BPGM: variants seen among roughly 807,000 people sequenced by gnomAD.
BPGM encodes 2,3-bisphosphoglycerate mutase, erythrocyte.
A neutral mutation model predicts 21.6 loss-of-function variants in BPGM; 15 were observed. The ratio of observed to expected loss-of-function variants is 0.70; its 90% CI spans 0.47 to 1.07. The LOEUF (loss-of-function observed/expected upper bound fraction) is 1.07, where lower values mean the gene tolerates loss of function less well. Ranked by LOEUF, BPGM falls within the 50% of genes least tolerant of loss-of-function variation. The pLI is 0.00. For synonymous variants in BPGM, 113 were observed against 116.2 expected (o/e 0.97, Z 0.18); for missense variants, 273 against 319.0 (o/e 0.86, Z 1.10).
At chr7:134,673,391 T>C (rs145782703) in intron 2 of BPGM, among the ~76,000 whole-genome samples, 1 of 152,294 alleles carries the variant, frequency 6.6e-6, no homozygotes, top group African/African-American at 2.4e-5. Flanking sequence ...GTAGTTGAAA[T>C]ATTACGGCGG....
At chr7:134,652,470 T>C (rs1269692319) in intron 1 of BPGM, among the ~76,000 whole-genome samples, 1 of 152,206 alleles carries the variant, frequency 6.6e-6, no homozygotes, top group African/African-American at 2.4e-5. Context: ...ACCTCATGCA[T>C]TTATTTTTTG....
chr7:134,658,482 C>T (rs1795677014), intron 1 of BPGM: 1 of 152,226 alleles, frequency 6.6e-6, no homozygotes, highest in Non-Finnish European at 1.5e-5. Flanking sequence ...TCTGCATAGT[C>T]CAGCTGCACT....
intron 1 of BPGM, among the ~76,000 whole-genome samples, chr7:134,648,789 G>A (rs1350386616): frequency 6.6e-6 from 1 of 152,074 alleles, no homozygotes; most frequent in Admixed American, 6.5e-5. Flanking sequence ...GGGCTCAAGC[G>A]ATCCTACCAT....
intron 2 of BPGM, among the ~76,000 whole-genome samples, chr7:134,664,381 C>T (rs1488406862): frequency 3.3e-5 from 5 of 152,174 alleles, no homozygotes; most frequent in African/African-American, 9.7e-5. Flanking sequence ...CTGTGGCTTG[C>T]AGAAGCATCA....
chr7:134,672,359 A>C (rs1170719111), intron 2 of BPGM, among the ~76,000 whole-genome samples: 1 of 152,058 alleles, frequency 6.6e-6, no homozygotes, highest in Non-Finnish European at 1.5e-5. Context: ...GGGAAACACC[A>C]CTGAGTTCTC....
intron 2 of BPGM, among the ~76,000 whole-genome samples, chr7:134,669,534 G>A (rs945487347): frequency 4.6e-5 from 7 of 152,008 alleles, no homozygotes; most frequent in African/African-American, 1.4e-4. Context: ...TGGAGTCAGC[G>A]CAGATGAATG....
At position 134,679,774 on chromosome 7, in the gene BPGM, T is replaced by TAA. The variant is rs1352346963; in HGVS notation, c.*745_*746dup. Reference sequence around the variant, plus strand: ...TGGGTACCTGTAATTAGTTTAAAAATAAAGTTCCTGATAATAAAGTGACTG... The same window carrying TAA: ...TGGGTACCTGTAATTAGTTTAAAAATAAAAAGTTCCTGATAATAAAGTGACTG... On this transcript the variant is annotated 3_prime_UTR_variant, in exon 3 of 3. Transcript: ENST00000344924. 3 of 152,338 alleles carry TAA rather than the reference T, an allele frequency of 2.0e-5. No homozygotes were observed. The highest frequency in any genetic ancestry group is 7.2e-5 in the African/African-American group (3 of 41,584). The allele number at this position is 152,338 out of a possible 1,614,324, so 9.4% of individuals were successfully genotyped here.
In BPGM at chr7:134,661,879, T is replaced by A. The variant is rs1242504289; in HGVS notation, c.372T>A (p.Pro124=). The stretch of plus-strand genomic sequence containing the variant: ...GAAGAAGCTACAATGTAACCCCGCC[T>A]CCCATTGAGGAGTCTCATCCTTACT... The part of the protein sequence containing the change: ...LWRRSYNVTP[P]PIEESHPYYQ... The change falls in exon 2 of 3, where the codon CCT becomes CCA. Residue 124 remains proline, a synonymous_variant. Transcript: ENST00000344924. The surrounding 1 kb of genome is among the most constrained non-coding windows in gnomAD (Gnocchi z 4.6). 3.7e-6 allele frequency: 6 copies of A among 1,608,214 alleles called. No individual in the cohort carries two copies. The highest frequency in any genetic ancestry group is 4.3e-6 in the Non-Finnish European group (5 of 1,176,198).
chr7:134,676,069 G>A (rs1795979754), intron 2 of BPGM, among the ~76,000 whole-genome samples: 1 of 152,174 alleles, frequency 6.6e-6, no homozygotes. Flanking sequence ...CAGCCTTGCT[G>A]AGTTTATTAG....
intron 2 of BPGM, among the ~76,000 whole-genome samples, chr7:134,677,093 G>A (rs1196814253): frequency 2.0e-5 from 3 of 152,276 alleles, no homozygotes; most frequent in East Asian, 3.9e-4. Flanking sequence ...GAGTATCTTA[G>A]TAGCCTTCCC....
Position 134,658,185 on chromosome 7 carries a change from C to G in BPGM, c.-61-3262C>G, listed in dbSNP as rs578258777. Among the ~76,000 whole-genome samples, 93 of 151,802 alleles carry G rather than the reference C, an allele frequency of 6.1e-4. 1 individual carries two copies. The highest frequency in any genetic ancestry group is 9.4e-4 in the Non-Finnish European group (64 of 67,968). On this transcript the variant is annotated intron_variant, in intron 1 of 2. Coordinates refer to ENST00000344924, the MANE Select transcript of BPGM (RefSeq NM_001724.5). The stretch of plus-strand genomic sequence containing the variant: ...GGGCTGGAGCTAAGTAGTAGGTACT[C>G]CTTTGATTTTTTACATGAATTTTTA...
chr7:134,660,000 C>T (rs144126800), intron 1 of BPGM, among the ~76,000 whole-genome samples: 14 of 152,242 alleles, frequency 9.2e-5, no homozygotes, highest in Admixed American at 2.6e-4. Context: ...GTTGTTTGCA[C>T]GACAAAATCA....
chr7:134,660,686 A>G (rs1393250993), intron 1 of BPGM: 1 of 152,326 alleles, frequency 6.6e-6, no homozygotes, highest in Non-Finnish European at 1.5e-5. Flanking sequence ...TTGTACAGGC[A>G]GCATCCCTCA....
rs757933635 is a variant in BPGM at position 134,662,140 on chromosome 7, T to A, written c.601+32T>A. ...GCTTTATATACCACTTATTAGAGGT[T>A]GCCAAGTGTGATATCTAGGCCTTAA... On this transcript the variant is annotated intron_variant, in intron 2 of 2. Transcript: ENST00000344924. The A allele has an allele frequency of 5.6e-6, 9 of 1,613,044 alleles. No homozygotes were observed. In the East Asian group the frequency reaches 2.0e-4, roughly 36 times the overall value.
chr7:134,669,272 T>A (rs1795867076), intron 2 of BPGM, among the ~76,000 whole-genome samples: 1 of 152,216 alleles, frequency 6.6e-6, no homozygotes, highest in South Asian at 2.1e-4. Flanking sequence ...GTTCTGACTT[T>A]AGCACCTAAA....
chr7:134,667,717 G>A (rs969302137), intron 2 of BPGM, among the ~76,000 whole-genome samples: 11 of 152,114 alleles, frequency 7.2e-5, no homozygotes, highest in Admixed American at 3.9e-4. Context: ...GTTCCAAGCC[G>A]TGCTTTCTAG....
At chr7:134,657,639 C>G (rs1399280363) in intron 1 of BPGM, among the ~76,000 whole-genome samples, 1 of 152,130 alleles carries the variant, frequency 6.6e-6, no homozygotes, top group Non-Finnish European at 1.5e-5. Context: ...TGAGCACCCC[C>G]CACTAGAGAG....
chr7:134,649,010 G>A (rs2131410348), intron 1 of BPGM, among the ~76,000 whole-genome samples: 1 of 152,232 alleles, frequency 6.6e-6, no homozygotes, highest in East Asian at 1.9e-4. Flanking sequence ...TGGGTACCTA[G>A]TAGGTGTATA....
chr7:134,647,467 C>T (rs1795479166), intron 1 of BPGM, among the ~76,000 whole-genome samples: 2 of 152,264 alleles, frequency 1.3e-5, no homozygotes, highest in African/African-American at 4.8e-5. Flanking sequence ...TTCTTAGAAC[C>T]ACTAGAAATA....
Sources: gnomAD v4.1 joint callset for allele counts (sites outside exome capture counted in the v4.1 genomes callset) on GRCh38, gnomAD v4.1.1 for gene constraint, Gnocchi (gnomAD v3.1) non-coding constraint, MANE v1.5 for transcripts, NCBI Gene and HGNC (gene_info 2026-07-23, HGNC 2026-07-21) for gene names.